Variants in SHISA5 observed in about 807,000 individuals in gnomAD.
The protein encoded by SHISA5 is protein shisa-5.
A neutral mutation model predicts 27.5 loss-of-function variants in SHISA5; 21 were observed. The ratio of observed to expected loss-of-function variants is 0.76; its 90% CI spans 0.54 to 1.10. The LOEUF (loss-of-function observed/expected upper bound fraction) is 1.10, where lower values mean the gene tolerates loss of function less well. SHISA5 is among the 50% of genes least tolerant of loss of function. The pLI is 0.00. For synonymous variants in SHISA5, 137 were observed against 142.2 expected (o/e 0.96, Z 0.26); for missense variants, 314 against 336.3 (o/e 0.93, Z 0.52).
intron 2 of SHISA5, among the ~76,000 whole-genome samples, chr3:48,492,204 C>T (rs1374655233): frequency 1.4e-5 from 2 of 137,970 alleles, no homozygotes; most frequent in Non-Finnish European, 3.1e-5. Context: ...GGCGCGGTGG[C>T]TCACGCCTGT....
chr3:48,484,759 G>A (rs2041143243), intron 2 of SHISA5, among the ~76,000 whole-genome samples: 1 of 152,140 alleles, frequency 6.6e-6, no homozygotes, highest in Non-Finnish European at 1.5e-5. Flanking sequence ...CAGGCGTGGT[G>A]GCAGGTGCCT....
chr3:48,501,444 C>A, intron 1 of SHISA5, 151 bp from the exon 2 acceptor site: 1 of 839,594 alleles, frequency 1.2e-6, no homozygotes, highest in Admixed American at 2.6e-5. Context: ...CTTCTGACCC[C>A]TGGCCACTGC....
At chr3:48,499,024 G>C (rs933680841) in intron 2 of SHISA5, among the ~76,000 whole-genome samples, 2 of 150,014 alleles carry the variant, frequency 1.3e-5, no homozygotes, top group African/African-American at 4.9e-5. Context: ...GGAGGTTGTG[G>C]TGAGCCAAGA....
chr3:48,469,698 G>C lies in SHISA5; in HGVS notation c.430+30C>G, dbSNP rs1437813679. The C allele has an allele frequency of 9.3e-6, 15 of 1,612,820 alleles. No individual in the cohort carries two copies. Among genetic ancestry groups the C allele is most frequent in the Non-Finnish European group, 1.3e-5 (15 of 1,179,434 alleles). The stretch of plus-strand genomic sequence containing the variant: ...TCAGCTTCCCTTACCACCCCAGGGG[G>C]TCACAGTGGGGCAGGGTGGGCACGC... On this transcript the variant is annotated intron_variant, in intron 4 of 5. Transcript: ENST00000296444. The surrounding 1 kb of genome is among the most constrained non-coding windows in gnomAD (Gnocchi z 4.6).
At position 48,473,998 on chromosome 3, in the gene SHISA5, G is replaced by A. The variant is rs1231068225; in HGVS notation, c.315-4155C>T. On this transcript the variant is annotated intron_variant, in intron 3 of 5. Transcript: ENST00000296444. The surrounding 1 kb of genome is among the most constrained non-coding windows in gnomAD (Gnocchi z 4.3). ...AGCCTGGGAGACTGAGTGAGAATCT[G>A]TCTCAAAAAAAAAAAAAAAAAGAAG... Among the ~76,000 whole-genome samples the A allele has an allele frequency of 7.2e-6, 1 of 137,976 alleles. No individual in the cohort carries two copies. Among genetic ancestry groups the A allele is most frequent in the African/African-American group, 2.8e-5 (1 of 35,468 alleles). 90.5% of individuals were successfully genotyped at this position (137,976 alleles called of 152,430 possible). A position where few individuals can be genotyped will look rare whatever the true frequency, so the allele number is the denominator to read the frequency against.
intron 3 of SHISA5, among the ~76,000 whole-genome samples, chr3:48,477,252 G>A (rs892855815): frequency 1.6e-4 from 25 of 151,998 alleles, no homozygotes; most frequent in Admixed American, 1.0e-3. Flanking sequence ...CCGCCAACAC[G>A]CCCAGCTAAT....
intron 2 of SHISA5, among the ~76,000 whole-genome samples, chr3:48,492,127 G>C (rs1171828938): frequency 1.2e-4 from 15 of 121,816 alleles, no homozygotes; most frequent in Non-Finnish European, 1.9e-4. Context: ...CACTCCAGCC[G>C]GGAACAGAGC....
Position 48,473,328 on chromosome 3 carries a change from G to A in SHISA5, c.315-3485C>T. ...GCCAAGCCTACAGGGCCTGACCTCA[G>A]AATGCAGCCTGGCCACTAGGGGGTC... On this transcript the variant is annotated intron_variant, in intron 3 of 5. Transcript: ENST00000296444. This position sits in a 1 kb window ranked among gnomAD's most constrained non-coding sequence, Gnocchi z 4.3. 2 of 1,392,104 alleles carry A rather than the reference G, an allele frequency of 1.4e-6. No homozygotes were observed. The highest frequency in any genetic ancestry group is 1.9e-6 in the Non-Finnish European group (2 of 1,057,892). The allele number at this position is 1,392,104 out of a possible 1,614,324, so 86.2% of individuals were successfully genotyped here.
chr3:48,502,351 G>A (rs753957223), intron 1 of SHISA5: 31 of 456,476 alleles, frequency 6.8e-5, no homozygotes, highest in South Asian at 2.9e-4. Context: ...ACTTAGCCCC[G>A]CGCTGGGCCT....
intron 2 of SHISA5, among the ~76,000 whole-genome samples, chr3:48,488,608 C>T (rs1207849206): frequency 6.7e-6 from 1 of 149,438 alleles, no homozygotes; most frequent in African/African-American, 2.4e-5. Context: ...CCAAGGCGGG[C>T]AGATCACCTG....
At chr3:48,501,327 C>T (rs199681937) in intron 1 of SHISA5, 34 bp from the exon 2 acceptor site, 522 of 1,605,018 alleles carry the variant, frequency 3.3e-4, no homozygotes, top group Middle Eastern at 1.8e-3. Flanking sequence ...TCACCTGTGC[C>T]CACGGGCCAG....
At chr3:48,476,034 A>T (rs576871910) in intron 3 of SHISA5, among the ~76,000 whole-genome samples, 1 of 152,262 alleles carries the variant, frequency 6.6e-6, no homozygotes, top group East Asian at 1.9e-4. Flanking sequence ...CTGCTGCCTC[A>T]TGCCTAGGGA....
intron 2 of SHISA5, among the ~76,000 whole-genome samples, chr3:48,497,868 C>T (rs1484614932): frequency 5.5e-5 from 8 of 144,174 alleles, no homozygotes; most frequent in Non-Finnish European, 1.0e-4. Flanking sequence ...CCAGCCTGGG[C>T]AACAGAGTGA....
intron 2 of SHISA5, among the ~76,000 whole-genome samples, chr3:48,488,910 C>A (rs185053289): frequency 2.0e-5 from 3 of 151,064 alleles, no homozygotes; most frequent in African/African-American, 4.9e-5. Context: ...AAAATCTGGA[C>A]AATTCTCAGC....
intron 2 of SHISA5, among the ~76,000 whole-genome samples, chr3:48,494,515 G>A (rs2041499784): frequency 6.8e-6 from 1 of 146,912 alleles, no homozygotes; most frequent in Non-Finnish European, 1.5e-5. Flanking sequence ...GGATGGTCTC[G>A]ATCTCCTGAC....
In SHISA5 at chr3:48,495,720, A is replaced by G. The variant is rs917858507; in HGVS notation, c.233+5417T>C. 2.7e-4 allele frequency among the ~76,000 whole-genome samples: 40 copies of G among 147,164 alleles called. 9 individuals are homozygous for G. The highest frequency in any genetic ancestry group is 1.1e-3 in the African/African-American group (40 of 37,126). On this transcript the variant is annotated intron_variant, in intron 2 of 5. Coordinates refer to ENST00000296444, the MANE Select transcript of SHISA5 (RefSeq NM_016479.6). ...TATTTTTTAGTAGAGACAGGGTTTC[A>G]CTGTGTTGGCCAGCCTGATCTCGAA...
intron 3 of SHISA5, among the ~76,000 whole-genome samples, chr3:48,472,479 G>C (rs1011971444): frequency 6.6e-6 from 1 of 152,228 alleles, no homozygotes; most frequent in Admixed American, 6.5e-5. Flanking sequence ...CTGGGTGACA[G>C]AGCGAGACTC....
rs756764432 is a variant in SHISA5, at chr3:48,469,004, C to T, written c.*103G>A. 3.8e-6 allele frequency: 6 copies of T among 1,578,322 alleles called. No individual in the cohort carries two copies. The highest frequency in any genetic ancestry group is 5.2e-6 in the Non-Finnish European group (6 of 1,158,292). ...ACACATGGGGCGTAAGGAACCGTGC[C>T]TGGACACACACAGCACACATGGGGC... On this transcript the variant is annotated 3_prime_UTR_variant, in exon 6 of 6. Coordinates refer to ENST00000296444, the MANE Select transcript of SHISA5 (RefSeq NM_016479.6). The surrounding 1 kb of genome is among the most constrained non-coding windows in gnomAD (Gnocchi z 4.6).
rs2040587556 is a variant in SHISA5 at position 48,470,933 on chromosome 3, GAAAGA to G, written c.315-1095_315-1091del. On this transcript the variant is annotated intron_variant, in intron 3 of 5. Transcript: ENST00000296444. This position sits in a 1 kb window ranked among gnomAD's most constrained non-coding sequence, Gnocchi z 4.3. ...AGGAGCAAAACTCTGTCTCAAAAAT[GAAAGA>G]AAAAAAAAAAAACCTGACTTCCAAA... is the stretch of plus-strand genomic sequence containing the variant. 6.8e-6 allele frequency among the ~76,000 whole-genome samples: 1 copy of G among 146,222 alleles called. No homozygotes were observed. Among genetic ancestry groups the G allele is most frequent in the African/African-American group, 2.5e-5 (1 of 39,262 alleles).
Sources: allele counts gnomAD v4.1 joint callset (sites outside exome capture counted in the v4.1 genomes callset), GRCh38; gene constraint gnomAD v4.1.1; non-coding constraint Gnocchi (gnomAD v3.1); transcripts MANE v1.5; gene names NCBI Gene and HGNC (gene_info 2026-07-23, HGNC 2026-07-21).